The following FHIT variants were observed in gnomAD, a reference collection of about 807,000 sequenced individuals.
FHIT encodes bis(5'-adenosyl)-triphosphatase.
Under a neutral mutation model 17.9 loss-of-function variants are expected in FHIT, and 19 were observed. The ratio of observed to expected loss-of-function variants is 1.06; its 90% confidence interval spans 0.74 to 1.56. The LOEUF is 1.56. Ranked by LOEUF, FHIT falls within the 40% of genes most tolerant of loss-of-function variation. FHIT has a pLI of 0.00. For missense variants in FHIT, 248 were observed against 189.2 expected, an observed-to-expected ratio of 1.31 and a Z score of -1.82; for synonymous variants, 81 against 69.7, an observed-to-expected ratio of 1.16 and a Z score of -0.81.
chr3:60,693,032 T>C (rs1245866263), intron 4 of FHIT, among the ~76,000 whole-genome samples: 4 of 152,218 alleles, frequency 2.6e-5, no homozygotes, highest in Non-Finnish European at 5.9e-5. Flanking sequence ...ATCTCATTAG[T>C]AGAATTCTCT....
intron 5 of FHIT, among the ~76,000 whole-genome samples, chr3:60,045,992 A>G (rs1701638333): frequency 2.0e-5 from 3 of 152,208 alleles, no homozygotes; most frequent in African/African-American, 7.2e-5. Flanking sequence ...GGTTACAATC[A>G]AAGCCTATGC....
At chr3:60,566,398 A>G (rs972006527) in intron 4 of FHIT, among the ~76,000 whole-genome samples, 9 of 152,172 alleles carry the variant, frequency 5.9e-5, no homozygotes, top group African/African-American at 2.2e-4. Flanking sequence ...GCCTTTGACA[A>G]AATTCAACAA....
intron 5 of FHIT, among the ~76,000 whole-genome samples, chr3:60,507,023 TC>T (rs1179852055): frequency 5.9e-5 from 9 of 152,140 alleles, no homozygotes; most frequent in African/African-American, 2.2e-4. Flanking sequence ...GCTCTCATAG[TC>T]TAGAGGAAGA....
Position 60,163,271 on chromosome 3 carries a change from T to C in FHIT, c.104-149119A>G, listed in dbSNP as rs529387958. ...TATCTGCCTCCAAAATGAGTGCTCTTTTCTGTTACAATACATGCTACTATG... is the reference window on the plus strand; with the variant it reads ...TATCTGCCTCCAAAATGAGTGCTCTCTTCTGTTACAATACATGCTACTATG... On this transcript the variant is annotated intron_variant, in intron 5 of 9. Coordinates refer to ENST00000492590, the MANE Select transcript of FHIT (RefSeq NM_002012.4). Among the ~76,000 whole-genome samples the C allele has an allele frequency of 4.0e-3, 602 of 152,154 alleles. 4 individuals are homozygous for C. Among genetic ancestry groups the C allele is most frequent in the Non-Finnish European group, 7.1e-3 (484 of 67,998 alleles).
chr3:60,578,117 G>A (rs1356469524), intron 4 of FHIT, among the ~76,000 whole-genome samples: 3 of 152,142 alleles, frequency 2.0e-5, no homozygotes, highest in Non-Finnish European at 2.9e-5. Context: ...AATACAGAAA[G>A]GGATGGAGAA....
intron 5 of FHIT, among the ~76,000 whole-genome samples, chr3:60,286,637 C>T (rs1296824763): frequency 6.6e-6 from 1 of 152,132 alleles, no homozygotes; most frequent in Non-Finnish European, 1.5e-5. Flanking sequence ...GCTTAATCTA[C>T]TATAGCAACC....
chr3:60,177,048 G>C (rs1263751489), intron 5 of FHIT, among the ~76,000 whole-genome samples: 2 of 152,116 alleles, frequency 1.3e-5, no homozygotes, highest in Non-Finnish European at 2.9e-5. Context: ...AGGGAGACTG[G>C]ATGCTCCCAG....
intron 5 of FHIT, among the ~76,000 whole-genome samples, chr3:60,179,248 C>T (rs759276484): frequency 1.3e-4 from 20 of 152,194 alleles, no homozygotes; most frequent in Non-Finnish European, 2.5e-4. Context: ...AACCAAAGTT[C>T]ATAGATGCCA....
At chr3:60,588,570 T>C (rs2107691087) in intron 4 of FHIT, among the ~76,000 whole-genome samples, 1 of 152,142 alleles carries the variant, frequency 6.6e-6, no homozygotes, top group South Asian at 2.1e-4. Flanking sequence ...CTGAGCCCAC[T>C]CCAGACCAAC....
At chr3:61,251,226 G>T (rs2081625842) in intron 1 of FHIT, 75 bp downstream of exon 1, 1 of 152,332 alleles carries the variant, frequency 6.6e-6, no homozygotes, top group Admixed American at 6.5e-5. Flanking sequence ...CCGGGGTGAT[G>T]ACCTGACGCG....
chr3:61,088,112 T>A (rs1171559693), intron 2 of FHIT, among the ~76,000 whole-genome samples: 1 of 152,164 alleles, frequency 6.6e-6, no homozygotes, highest in African/African-American at 2.4e-5. Flanking sequence ...TACCTAGCCC[T>A]AGATCACTCA....
At chr3:59,969,172 T>C (rs2107375909) in intron 7 of FHIT, among the ~76,000 whole-genome samples, 1 of 152,258 alleles carries the variant, frequency 6.6e-6, no homozygotes, top group Non-Finnish European at 1.5e-5. Flanking sequence ...TGCATCTAAA[T>C]CCAAAGGGAT....
In FHIT at chr3:60,059,336, T is replaced by C. The variant is rs370864765; in HGVS notation, c.104-45184A>G. Among the ~76,000 whole-genome samples the C allele has an allele frequency of 9.2e-5, 14 of 152,218 alleles. No individual in the cohort carries two copies. The East Asian group carries it at 1.2e-3, about 13-fold the overall frequency. On this transcript the variant is annotated intron_variant, in intron 5 of 9. Coordinates refer to ENST00000492590, the MANE Select transcript of FHIT (RefSeq NM_002012.4). ...GAAGAAAGCCTCAGGTGGGCATACATACAACTTCTTAAACACACTCACATG... is the reference window on the plus strand; with the variant it reads ...GAAGAAAGCCTCAGGTGGGCATACACACAACTTCTTAAACACACTCACATG...
chr3:60,632,879 T>A (rs4679483), intron 4 of FHIT, among the ~76,000 whole-genome samples: 109,253 of 152,064 alleles, frequency 0.72, 39,705 homozygotes, highest in South Asian at 0.84. Context: ...GAGGAGACAA[T>A]GCAACATAGC....
intron 8 of FHIT, among the ~76,000 whole-genome samples, chr3:59,899,371 A>G (rs1480505790): frequency 1.3e-5 from 2 of 152,198 alleles, no homozygotes; most frequent in East Asian, 3.9e-4. Flanking sequence ...AACTCTCTTA[A>G]GGTAAATAAT....
At chr3:61,051,997 T>G (rs900017780) in intron 2 of FHIT, among the ~76,000 whole-genome samples, 2 of 152,112 alleles carry the variant, frequency 1.3e-5, no homozygotes, top group East Asian at 3.8e-4. Context: ...AGAAAAGACT[T>G]TTGTTGGAGC....
At chr3:59,765,585 G>T (rs1701752423) in intron 8 of FHIT, among the ~76,000 whole-genome samples, 1 of 152,208 alleles carries the variant, frequency 6.6e-6, no homozygotes, top group Non-Finnish European at 1.5e-5. Flanking sequence ...GCTGTGCTGA[G>T]AAACCATTCT....
chr3:60,030,344 T>C (rs1229861421), intron 5 of FHIT, among the ~76,000 whole-genome samples: 6 of 152,194 alleles, frequency 3.9e-5, no homozygotes, highest in Admixed American at 3.3e-4. Flanking sequence ...TGTTCCACTA[T>C]AGGCCCTTTC....
At chr3:61,177,292 A>G (rs1295921168) in intron 2 of FHIT, among the ~76,000 whole-genome samples, 1 of 152,054 alleles carries the variant, frequency 6.6e-6, no homozygotes, top group Admixed American at 6.5e-5. Context: ...TTTTTCTTAA[A>G]GAGGACCTCC....
Sources: gnomAD v4.1 joint callset for allele counts (sites outside exome capture counted in the v4.1 genomes callset) on GRCh38, gnomAD v4.1.1 for gene constraint, MANE v1.5 for transcripts, NCBI Gene and HGNC (gene_info 2026-07-23, HGNC 2026-07-21) for gene names.